PCDH15: variants seen among roughly 807,000 people sequenced by gnomAD.
PCDH15 encodes the protein protocadherin related 15.
Under a neutral mutation model 178.5 loss-of-function variants are expected in PCDH15, and 129 were observed. The observed-to-expected ratio is 0.72, with a 90% CI of 0.63 to 0.84. The LOEUF is 0.84. PCDH15 is among the 40% of genes least tolerant of loss of function. The pLI, the probability that PCDH15 is intolerant of heterozygous loss-of-function variation, is 0.00. For synonymous variants in PCDH15, 800 were observed against 732.0 expected (o/e 1.09, Z -1.50); for missense variants, 2,230 against 2,099.9 (o/e 1.06, Z -1.21).
chr10:54,466,984 G>A (rs998635834), intron 3 of PCDH15, among the ~76,000 whole-genome samples: 6 of 151,716 alleles, frequency 4.0e-5, no homozygotes, highest in Admixed American at 1.3e-4. Flanking sequence ...TATGAACACC[G>A]ATTTGTGTAT....
intron 20 of PCDH15, among the ~76,000 whole-genome samples, chr10:54,007,623 G>A (rs558745347): frequency 6.6e-6 from 1 of 152,134 alleles, no homozygotes; most frequent in South Asian, 2.1e-4. Context: ...AGAAAGCTGT[G>A]TGCAGATGTC....
At chr10:55,404,712 A>G (rs1419585980) in intron 2 of PCDH15, among the ~76,000 whole-genome samples, 1 of 151,988 alleles carries the variant, frequency 6.6e-6, no homozygotes, top group African/African-American at 2.4e-5. Context: ...TAATATGTTT[A>G]ACATTTGAAT....
intron 20 of PCDH15, among the ~76,000 whole-genome samples, chr10:54,007,797 AT>A (rs1483715050): frequency 6.6e-6 from 1 of 152,104 alleles, no homozygotes; most frequent in African/African-American, 2.4e-5. Flanking sequence ...GTTTCTGCTC[AT>A]TTTGAAAGAA....
intron 25 of PCDH15, among the ~76,000 whole-genome samples, chr10:53,907,616 T>C (rs865864734): frequency 2.0e-5 from 3 of 152,222 alleles, no homozygotes; most frequent in Admixed American, 6.5e-5. Context: ...CAATTTTCTA[T>C]GGGACAATCT....
At chr10:54,159,583 G>A (rs11004105) in intron 13 of PCDH15, among the ~76,000 whole-genome samples, 32,723 of 152,002 alleles carry the variant, frequency 0.22, 4,947 homozygotes, top group East Asian at 0.87. Flanking sequence ...ATATAAAATA[G>A]TTTTGATGCT....
intron 3 of PCDH15, among the ~76,000 whole-genome samples, chr10:54,503,264 T>TGA (rs10663998): frequency 0.23 from 31,679 of 137,184 alleles, 4,225 homozygotes; most frequent in Admixed American, 0.33. Context: ...TGTGTGTGTG[T>TGA]GATTATATAT....
intron 3 of PCDH15, among the ~76,000 whole-genome samples, chr10:54,525,665 G>C (rs1366945480): frequency 1.3e-5 from 2 of 152,092 alleles, no homozygotes; most frequent in Non-Finnish European, 2.9e-5. Flanking sequence ...TGCCATGTTG[G>C]CCAGGCTGGC....
chr10:55,288,031 T>C (rs1842915061), intron 1 of PCDH15, among the ~76,000 whole-genome samples: 1 of 150,878 alleles, frequency 6.6e-6, no homozygotes, highest in Non-Finnish European at 1.5e-5. Context: ...TTTGTAAATA[T>C]GTGTTGAGTA....
chr10:54,718,942 G>A (rs554808190), intron 1 of PCDH15, among the ~76,000 whole-genome samples: 40 of 151,662 alleles, frequency 2.6e-4, no homozygotes, highest in Admixed American at 5.3e-4. Context: ...TGATCCACCC[G>A]CCTCAGTCTC....
chr10:54,043,395 T>TTC (rs1414635148), intron 18 of PCDH15, among the ~76,000 whole-genome samples: 4 of 151,524 alleles, frequency 2.6e-5, no homozygotes, highest in East Asian at 3.9e-4. Context: ...CTCTTTCTCT[T>TTC]TCTTTCTTTT....
At chr10:54,570,058 CTG>C (rs1249873335) in intron 2 of PCDH15, among the ~76,000 whole-genome samples, 4 of 134,576 alleles carry the variant, frequency 3.0e-5, no homozygotes, top group Non-Finnish European at 3.2e-5. Context: ...GTGTGTGTGT[CTG>C]TGTGTGTGTG....
At chr10:54,872,980 C>A (rs1016209384) in intron 3 of PCDH15, among the ~76,000 whole-genome samples, 2 of 151,790 alleles carry the variant, frequency 1.3e-5, no homozygotes, top group Non-Finnish European at 2.9e-5. Context: ...TGTTCTAAGA[C>A]CCCTCTACAA....
chr10:54,367,316 T>A (rs955967089), intron 5 of PCDH15, among the ~76,000 whole-genome samples: 1 of 151,996 alleles, frequency 6.6e-6, no homozygotes, highest in Non-Finnish European at 1.5e-5. Flanking sequence ...TAATGAGAAA[T>A]TGCAAAACTT....
chr10:54,308,813 C>T (rs1358003315), intron 8 of PCDH15, among the ~76,000 whole-genome samples: 1 of 151,648 alleles, frequency 6.6e-6, no homozygotes, highest in African/African-American at 2.4e-5. Flanking sequence ...GCCCCCATGT[C>T]ACACACCACT....
At chr10:55,020,978 C>G (rs142488023) in intron 2 of PCDH15, among the ~76,000 whole-genome samples, 2 of 152,172 alleles carry the variant, frequency 1.3e-5, no homozygotes, top group Admixed American at 6.5e-5. Flanking sequence ...TGACTATTGC[C>G]CCCTACCCAC....
chr10:54,458,085 C>A (rs1259095224), intron 3 of PCDH15, among the ~76,000 whole-genome samples: 1 of 152,080 alleles, frequency 6.6e-6, no homozygotes, highest in African/African-American at 2.4e-5. Flanking sequence ...TATGTATCTC[C>A]CTTATTTAAA....
At chr10:54,674,794 C>G (rs1283736987) in intron 1 of PCDH15, among the ~76,000 whole-genome samples, 3 of 151,986 alleles carry the variant, frequency 2.0e-5, no homozygotes, top group African/African-American at 7.2e-5. Context: ...CATGTATAAG[C>G]AGATTTATGG....
At chr10:53,915,642 C>T (rs2083467863) in intron 25 of PCDH15, among the ~76,000 whole-genome samples, 1 of 152,088 alleles carries the variant, frequency 6.6e-6, no homozygotes, top group South Asian at 2.1e-4. Context: ...TCACTGTAAC[C>T]TCCACCTCCC....
chr10:53,857,438 G>C (rs1241607885), intron 27 of PCDH15, among the ~76,000 whole-genome samples, 175 bp from the exon 28 acceptor site: 2 of 152,074 alleles, frequency 1.3e-5, no homozygotes, highest in African/African-American at 4.8e-5. Flanking sequence ...AGGGGTTGGA[G>C]ACTAACTGGG....
Sources: gnomAD v4.1 joint callset for allele counts (sites outside exome capture counted in the v4.1 genomes callset) on GRCh38, gnomAD v4.1.1 for gene constraint, MANE v1.5 for transcripts, NCBI Gene and HGNC (gene_info 2026-07-23, HGNC 2026-07-21) for gene names.